Variants in ARAP3 observed in about 807,000 individuals in gnomAD.
The protein encoded by ARAP3 is arf-GAP with Rho-GAP domain, ANK repeat and PH domain-containing protein 3.
Under a neutral mutation model 169.2 loss-of-function variants are expected in ARAP3, and 82 were observed. The observed-to-expected ratio is 0.48, with a 90% confidence interval of 0.41 to 0.58. The LOEUF (loss-of-function observed/expected upper bound fraction) is 0.58, where lower values mean the gene tolerates loss of function less well. Ranked by LOEUF, ARAP3 falls within the 20% of genes least tolerant of loss-of-function variation. ARAP3 has a pLI of 0.00. For synonymous variants in ARAP3, 791 were observed against 800.3 expected, an observed-to-expected ratio of 0.99 and a Z score of 0.20; for missense variants, 1,764 against 2,018.0, an observed-to-expected ratio of 0.87 and a Z score of 2.41.
intron 23 of ARAP3, 122 bp from the exon 24 acceptor site, chr5:141,658,775 A>C: frequency 6.2e-6 from 5 of 811,160 alleles, no homozygotes; most frequent in East Asian, 2.8e-5. Flanking sequence ...CCCAACCCCA[A>C]TGTCACTCAG....
chr5:141,673,037 A>G lies in ARAP3; in HGVS notation c.1069T>C (p.Phe357Leu). The change falls in exon 7 of 33, where the codon TTC becomes CTC. Residue 357 changes from phenylalanine (F) to leucine (L), a missense_variant. By Grantham distance (22) the Phe-to-Leu change is conservative (BLOSUM62 0). Transcript: ENST00000239440. ...CCCTCGCTCTCTGTGCGGAACACGA[A>G]CACCCTCTGGCCGGTGATGACCTGG... is the stretch of plus-strand genomic sequence containing the variant. ...KFQVITGQRVFVFRTESEAQR... is the reference protein window; with the variant it reads ...KFQVITGQRVLVFRTESEAQR... The G allele has an allele frequency of 1.2e-6, 2 of 1,614,108 alleles. 1 individual carries two copies. The highest frequency in any genetic ancestry group is 3.3e-4 in the Middle Eastern group (2 of 6,062).
At chr5:141,681,830 C>A (rs1401321265) in intron 1 of ARAP3, among the ~76,000 whole-genome samples, 2 of 152,138 alleles carry the variant, frequency 1.3e-5, no homozygotes, top group Non-Finnish European at 2.9e-5. Flanking sequence ...AGCTGGGCCT[C>A]ATTCCCAAGC....
At chr5:141,660,064 G>C in intron 21 of ARAP3, 138 bp from the exon 22 acceptor site, 1 of 1,169,582 alleles carries the variant, frequency 8.6e-7, no homozygotes, top group South Asian at 1.8e-5. Context: ...TCCCAGTCTA[G>C]GGGAGACAGA....
chr5:141,661,933 G>T, intron 20 of ARAP3, 110 bp downstream of exon 20: 1 of 1,512,898 alleles, frequency 6.6e-7, no homozygotes, highest in Non-Finnish European at 9.1e-7. Context: ...GTCTCTGGAT[G>T]ATCCCCCAGG....
At chr5:141,670,203 G>T (rs1407904420) in intron 14 of ARAP3, 140 bp from the exon 15 acceptor site, 3 of 1,221,562 alleles carry the variant, frequency 2.5e-6, no homozygotes, top group Non-Finnish European at 3.4e-6. Context: ...CCTATGAGGT[G>T]TTATACTCAG....
At chr5:141,674,190 T>A (rs2099911847) in intron 4 of ARAP3, among the ~76,000 whole-genome samples, 1 of 152,188 alleles carries the variant, frequency 6.6e-6, no homozygotes, top group Admixed American at 6.5e-5. Flanking sequence ...CTCGAACTCC[T>A]GACCTCAGGT....
At position 141,679,195 on chromosome 5, in the gene ARAP3, A is replaced by G. The variant is rs536271132; in HGVS notation, c.698+350T>C. Among the ~76,000 whole-genome samples the G allele has an allele frequency of 5.9e-5, 9 of 152,340 alleles. No homozygotes were observed. The East Asian group carries it at 1.4e-3, about 23-fold the overall frequency. ...TCCCAGCTACTCGGGAGCCTGAGAC[A>G]GGAGAATCGCTTGAACCCAGGAGGG... On this transcript the variant is annotated intron_variant, in intron 4 of 32. Coordinates refer to ENST00000239440, the MANE Select transcript of ARAP3 (RefSeq NM_022481.6).
chr5:141,680,129 G>A lies in ARAP3; in HGVS notation c.358C>T (p.Leu120Phe). 1 of 1,611,854 alleles carries A rather than the reference G, an allele frequency of 6.2e-7. No individual in the cohort carries two copies. Residue 120 changes from leucine to phenylalanine, a missense_variant, in exon 2 of 33, where the codon CTC becomes TTC. Leu to Phe is a conservative substitution (Grantham distance 22, BLOSUM62 0). This residue lies in a region of ARAP3 where 630 missense variants were observed against 678.7 expected (regional missense o/e 0.93). Transcript: ENST00000239440. ...CTCCTGGACACTCCTGGTCCCCCGA[G>A]GGCTGGGCTCAGCCCAGGTCTCTGA... ...TTQRPGLSPALGGPGVSRSPE... is the reference protein window; with the variant it reads ...TTQRPGLSPAFGGPGVSRSPE...
chr5:141,680,611 G>C, intron 1 of ARAP3, 108 bp from the exon 2 acceptor site: 1 of 1,412,474 alleles, frequency 7.1e-7, no homozygotes, highest in Middle Eastern at 2.5e-4. Flanking sequence ...TTCCTCCAAA[G>C]AAAGATGCTG....
intron 4 of ARAP3, 44 bp downstream of exon 4, chr5:141,679,501 C>A: frequency 6.3e-7 from 1 of 1,584,784 alleles, no homozygotes; most frequent in East Asian, 2.2e-5. Flanking sequence ...CCGCCACCGA[C>A]TCACCTGCTC....
chr5:141,671,593 G>C lies in ARAP3; in HGVS notation c.1831C>G (p.Pro611Ala). The C allele has an allele frequency of 6.2e-7, 1 of 1,614,070 alleles. No homozygotes were observed. Among genetic ancestry groups the C allele is most frequent in the Non-Finnish European group, 8.5e-7 (1 of 1,179,972 alleles). The change falls in exon 12 of 33, where the codon CCA becomes GCA. Residue 611 changes from proline (P) to alanine (A), a missense_variant. By Grantham distance (27) the Pro-to-Ala change is conservative. Transcript: ENST00000239440. This position sits in a 1 kb window ranked among gnomAD's most constrained non-coding sequence, Gnocchi z 4.9. ...ACCTGGAGAAGCTGGCTATGATCTG[G>C]GTACTGAGGGTGGGGCTTCCGGAAG... ...GLFRKPHPQY[P>A]DHSQLLQALC...
At chr5:141,680,581 G>A in intron 1 of ARAP3, 78 bp from the exon 2 acceptor site, 3 of 1,451,946 alleles carry the variant, frequency 2.1e-6, no homozygotes, top group Non-Finnish European at 2.7e-6. Flanking sequence ...GGCCTGGACA[G>A]TGAGCACCAG....
chr5:141,658,298 A>C, intron 25 of ARAP3, 67 bp downstream of exon 25: 2 of 1,510,840 alleles, frequency 1.3e-6, no homozygotes, highest in Non-Finnish European at 1.8e-6. Context: ...GTCACTGATG[A>C]CCTTGACCAC....
intron 16 of ARAP3, among the ~76,000 whole-genome samples, chr5:141,669,445 A>G (rs779477748): frequency 1.8e-4 from 28 of 152,202 alleles, no homozygotes; most frequent in Admixed American, 6.5e-5. Context: ...GCTGCCTCCT[A>G]GCTCTGTGAC....
At position 141,666,473 on chromosome 5, in the gene ARAP3, G is replaced by A. The variant is rs537046112; in HGVS notation, c.2523C>T (p.Gly841=). Residue 841 remains glycine (G), a synonymous_variant, in exon 17 of 33, where the codon GGC becomes GGT. Coordinates refer to ENST00000239440, the MANE Select transcript of ARAP3 (RefSeq NM_022481.6). Reference sequence around the variant, plus strand: ...GCACCATGTCCTCAGGGGCTGGGGGGCCTGGGCCCGGCGCTGAGCACAGGA... The same window carrying A: ...GCACCATGTCCTCAGGGGCTGGGGGACCTGGGCCCGGCGCTGAGCACAGGA... ...HLFLCSAPGP[G]PPAPEDMVHL... 3.1e-6 allele frequency: 5 copies of A among 1,597,418 alleles called. No homozygotes were observed. The Admixed American group carries it at 8.7e-5, about 28-fold the overall frequency.
chr5:141,672,146 C>T lies in ARAP3; in HGVS notation c.1541G>A (p.Trp514Ter), dbSNP rs755443418. 6.2e-7 allele frequency: 1 copy of T among 1,614,202 alleles called. No individual in the cohort carries two copies. The highest frequency in any genetic ancestry group is 8.5e-7 in the Non-Finnish European group (1 of 1,180,032). ...CADCGSSRPDWAAVNLGVVIC... is the reference protein window; with the variant it reads ...CADCGSSRPD ...GACCACCCCCAAATTGACAGCAGCC[C>T]AATCTGGGCGGGAGGACCCACAGTC... Residue 514 changes from tryptophan to a stop codon, truncating the protein, a stop_gained, in exon 10 of 33, where the codon TGG becomes TAG. Coordinates refer to ENST00000239440, the MANE Select transcript of ARAP3 (RefSeq NM_022481.6). LOFTEE classifies it high-confidence loss of function. This position sits in a 1 kb window ranked among gnomAD's most constrained non-coding sequence, Gnocchi z 4.9.
chr5:141,665,697 CCT>C (rs1167837358), intron 17 of ARAP3, among the ~76,000 whole-genome samples: 2 of 151,990 alleles, frequency 1.3e-5, no homozygotes, highest in Admixed American at 1.3e-4. Context: ...CACCCAGTCC[CCT>C]CTCCCAGGAC....
At position 141,671,335 on chromosome 5, in the gene ARAP3, C is replaced by T. The variant is rs1159568855; in HGVS notation, c.1920G>A (p.Glu640=). The change falls in exon 13 of 33, where the codon GAG becomes GAA. Residue 640 remains glutamate, a synonymous_variant. Coordinates refer to ENST00000239440, the MANE Select transcript of ARAP3 (RefSeq NM_022481.6). This position sits in a 1 kb window ranked among gnomAD's most constrained non-coding sequence, Gnocchi z 4.9. ...LKNMTQLLCV[E]AFEGEEPWFP... ...ACCAGGGCTCCTCGCCTTCAAAGGC[C>T]TCAACACAGAGGAGCTGGGTCATGT... 3.1e-6 allele frequency: 5 copies of T among 1,613,808 alleles called. No homozygotes were observed. The highest frequency in any genetic ancestry group is 4.2e-6 in the Non-Finnish European group (5 of 1,179,880).
chr5:141,654,874 G>A (rs1306334815), intron 32 of ARAP3, among the ~76,000 whole-genome samples: 1 of 151,826 alleles, frequency 6.6e-6, no homozygotes, highest in Non-Finnish European at 1.5e-5. Context: ...CAAGTAGCTG[G>A]GATCACAGGC....
Sources: allele counts gnomAD v4.1 joint callset (sites outside exome capture counted in the v4.1 genomes callset), GRCh38; gene constraint gnomAD v4.1.1; regional missense constraint gnomAD v4.1.1; non-coding constraint Gnocchi (gnomAD v3.1); transcripts MANE v1.5; gene names NCBI Gene and HGNC (gene_info 2026-07-23, HGNC 2026-07-21).